Variants in ELOVL5 observed in about 807,000 individuals in gnomAD.
ELOVL5 encodes the protein ELOVL fatty acid elongase 5.
In ELOVL5, 8 loss-of-function variants were observed where a neutral mutation model predicts 38.6. The observed-to-expected ratio is 0.21, with a 90% CI of 0.12 to 0.37. The LOEUF (loss-of-function observed/expected upper bound fraction) is 0.37. Among genes scored for constraint, ELOVL5 ranks in the 10% least tolerant of loss-of-function variants. The pLI is 1.00. For synonymous variants in ELOVL5, 127 were observed against 133.7 expected, an observed-to-expected ratio of 0.95 and a Z score of 0.34; for missense variants, 280 against 367.8, an observed-to-expected ratio of 0.76 and a Z score of 1.95.
intron 1 of ELOVL5, among the ~76,000 whole-genome samples, chr6:53,296,095 C>T (rs1390525643): frequency 2.6e-5 from 4 of 151,922 alleles, no homozygotes; most frequent in Admixed American, 2.6e-4. Flanking sequence ...CAAGGAAGAG[C>T]CATATCAGGG....
At chr6:53,272,309 T>G (rs990519057) in intron 6 of ELOVL5, among the ~76,000 whole-genome samples, 11 of 152,162 alleles carry the variant, frequency 7.2e-5, no homozygotes, top group African/African-American at 2.4e-4. Context: ...ATATGTGTTT[T>G]TCTTTTTGGT....
chr6:53,315,064 T>C (rs958228402), intron 1 of ELOVL5, among the ~76,000 whole-genome samples: 11 of 152,156 alleles, frequency 7.2e-5, no homozygotes, highest in African/African-American at 2.2e-4. Context: ...ATAAAGAAAA[T>C]AGCACATGCT....
chr6:53,306,080 T>C lies in ELOVL5; in HGVS notation c.-8-10373A>G, dbSNP rs1581958071. Among the ~76,000 whole-genome samples the C allele has an allele frequency of 2.7e-5, 4 of 150,504 alleles. No homozygotes were observed. In the South Asian group the frequency reaches 6.4e-4, roughly 24 times the overall value. Reference sequence around the variant, plus strand: ...CCAGTCAGGCGTGGCGGCGCGCGCCTGCAATTGCAGGCACTCGGCAGGCGG... The same window carrying C: ...CCAGTCAGGCGTGGCGGCGCGCGCCCGCAATTGCAGGCACTCGGCAGGCGG... On this transcript the variant is annotated intron_variant, in intron 1 of 7. Coordinates refer to ENST00000304434, the MANE Select transcript of ELOVL5 (RefSeq NM_021814.5).
At chr6:53,330,248 CAAAGA>C (rs1348630291) in intron 1 of ELOVL5, among the ~76,000 whole-genome samples, 2 of 152,002 alleles carry the variant, frequency 1.3e-5, no homozygotes, top group East Asian at 3.9e-4. Flanking sequence ...TATAGCTCAA[CAAAGA>C]AAAGGTATAA....
At chr6:53,312,165 A>G (rs1767868859) in intron 1 of ELOVL5, among the ~76,000 whole-genome samples, 1 of 152,212 alleles carries the variant, frequency 6.6e-6, no homozygotes, top group Non-Finnish European at 1.5e-5. Context: ...ATATAATTAA[A>G]TATCATGCCA....
chr6:53,310,929 T>C (rs968939374), intron 1 of ELOVL5, among the ~76,000 whole-genome samples: 2 of 152,204 alleles, frequency 1.3e-5, no homozygotes, highest in Admixed American at 6.5e-5. Flanking sequence ...ATTCATATGA[T>C]ACATACTAGC....
chr6:53,331,095 C>G (rs1000457327), intron 1 of ELOVL5, among the ~76,000 whole-genome samples: 4 of 152,112 alleles, frequency 2.6e-5, no homozygotes, highest in African/African-American at 9.7e-5. Context: ...TTTGGGAGAC[C>G]GAGGTGGAAG....
At chr6:53,327,337 T>C (rs1398312665) in intron 1 of ELOVL5, among the ~76,000 whole-genome samples, 4 of 152,176 alleles carry the variant, frequency 2.6e-5, no homozygotes, top group Admixed American at 6.5e-5. Flanking sequence ...TATGAATCCC[T>C]TAAAAGTCCT....
chr6:53,295,591 T>TA, intron 2 of ELOVL5, 51 bp downstream of exon 2: 2 of 1,215,064 alleles, frequency 1.6e-6, no homozygotes, highest in Non-Finnish European at 2.4e-6. Flanking sequence ...CAAGGGACTA[T>TA]AGGCAGGGAG....
At chr6:53,316,409 A>G (rs188449184) in intron 1 of ELOVL5, among the ~76,000 whole-genome samples, 172 of 152,288 alleles carry the variant, frequency 1.1e-3, no homozygotes, top group South Asian at 2.3e-3. Context: ...AAGCTCTGCA[A>G]AGAGAGTAAT....
intron 1 of ELOVL5, among the ~76,000 whole-genome samples, chr6:53,297,148 T>C (rs550502471): frequency 1.4e-4 from 21 of 151,988 alleles, no homozygotes; most frequent in African/African-American, 3.9e-4. Flanking sequence ...ACCAGCTCCC[T>C]GAAGGCACCA....
chr6:53,288,595 C>T (rs906032329), intron 3 of ELOVL5, among the ~76,000 whole-genome samples: 3 of 152,186 alleles, frequency 2.0e-5, no homozygotes, highest in African/African-American at 7.2e-5. Flanking sequence ...TACCTCTTCT[C>T]TCCTTTTAAT....
Position 53,301,448 on chromosome 6 carries a change from T to C in ELOVL5, c.-8-5741A>G, listed in dbSNP as rs548376603. 5.1e-4 allele frequency among the ~76,000 whole-genome samples: 78 copies of C among 152,246 alleles called. 1 individual carries two copies. The highest frequency in any genetic ancestry group is 1.8e-3 in the African/African-American group (76 of 41,536). ...TTGATCTGGCTGGTTCCCCACACAC[T>C]GACAGGAAAATGGACAGGGCTGGGA... On this transcript the variant is annotated intron_variant, in intron 1 of 7. Transcript: ENST00000304434.
In ELOVL5 at chr6:53,294,599, T is replaced by A. The variant is rs546372537; in HGVS notation, c.58+1043A>T. On this transcript the variant is annotated intron_variant, in intron 2 of 7. Coordinates refer to ENST00000304434, the MANE Select transcript of ELOVL5 (RefSeq NM_021814.5). ...CCACCTGGTAATGCAAGCTAATAATTATTATTATTATTTTAGCCATTTAGA... is the reference window on the plus strand; with the variant it reads ...CCACCTGGTAATGCAAGCTAATAATAATTATTATTATTTTAGCCATTTAGA... The A allele has an allele frequency of 9.4e-5, 125 of 1,333,834 alleles. 1 individual carries two copies. Among genetic ancestry groups the A allele is most frequent in the African/African-American group, 3.7e-4 (25 of 68,058 alleles). 82.6% of individuals were successfully genotyped at this position (1,333,834 alleles called of 1,614,324 possible).
chr6:53,287,756 C>T (rs373367237), intron 3 of ELOVL5: 29 of 935,256 alleles, frequency 3.1e-5, no homozygotes, highest in African/African-American at 1.8e-4. Flanking sequence ...CATAACAGAT[C>T]GGCTAAGAAA....
chr6:53,293,304 A>G (rs1470056848), intron 2 of ELOVL5, among the ~76,000 whole-genome samples: 2 of 151,942 alleles, frequency 1.3e-5, no homozygotes, highest in African/African-American at 4.8e-5. Flanking sequence ...CATTTCTTTA[A>G]TTTTTTTATT....
intron 1 of ELOVL5, among the ~76,000 whole-genome samples, chr6:53,333,683 G>A (rs1206953919): frequency 6.6e-6 from 1 of 152,134 alleles, no homozygotes; most frequent in Non-Finnish European, 1.5e-5. Context: ...GAATGAATGG[G>A]CTCTCTTGTT....
intron 7 of ELOVL5, 145 bp downstream of exon 7, chr6:53,270,448 C>A: frequency 1.3e-6 from 1 of 799,820 alleles, no homozygotes; most frequent in Non-Finnish European, 2.0e-6. Context: ...CCCCCAGAGG[C>A]AGGGGCTGCT....
rs190823129 is a variant in ELOVL5 at position 53,282,682 on chromosome 6, C to T, written c.247-6426G>A. 3.7e-3 allele frequency among the ~76,000 whole-genome samples: 560 copies of T among 152,276 alleles called. 2 individuals carry two copies. Among genetic ancestry groups the T allele is most frequent in the African/African-American group, 0.013 (530 of 41,552 alleles). On this transcript the variant is annotated intron_variant, in intron 3 of 7. Coordinates refer to ENST00000304434, the MANE Select transcript of ELOVL5 (RefSeq NM_021814.5). ...GCATTTCTTGTAAGTACTAATTTCA[C>T]CAGATGTTTCAACTGCTCTATACCT...
Sources: gnomAD v4.1 joint callset for allele counts (sites outside exome capture counted in the v4.1 genomes callset) on GRCh38, gnomAD v4.1.1 for gene constraint, MANE v1.5 for transcripts, NCBI Gene and HGNC (gene_info 2026-07-23, HGNC 2026-07-21) for gene names.